Variants in MYH15 observed in about 807,000 individuals in gnomAD.
MYH15 encodes the protein myosin heavy chain 15, also known as myosin-15.
Under a neutral mutation model 240.5 loss-of-function variants are expected in MYH15, and 227 were observed. The ratio of observed to expected loss-of-function variants is 0.94; its 90% CI spans 0.85 to 1.05. The LOEUF (loss-of-function observed/expected upper bound fraction) is 1.05. Among genes scored for constraint, MYH15 ranks in the 50% least tolerant of loss-of-function variants. MYH15 has a pLI of 0.00. For synonymous variants in MYH15, 785 were observed against 796.7 expected, an observed-to-expected ratio of 0.99 and a Z score of 0.25; for missense variants, 2,217 against 2,247.5, an observed-to-expected ratio of 0.99 and a Z score of 0.27.
rs1471803476 is a variant in MYH15 at position 108,437,714 on chromosome 3, C to A, written c.3076-15G>T. 6.2e-7 allele frequency: 1 copy of A among 1,604,540 alleles called. No homozygotes were observed. Among genetic ancestry groups the A allele is most frequent in the Admixed American group, 1.7e-5 (1 of 57,508 alleles). ...GCACCCTCAAGCTGACAAAAGGAAA[C>A]ATTATTTAGCTAAATAAATAGGTAG... On this transcript the variant is annotated splice_polypyrimidine_tract_variant and intron_variant, in intron 24 of 40. Coordinates refer to ENST00000693548, the MANE Select transcript of MYH15 (RefSeq NM_014981.3).
chr3:108,530,055 G>T (rs1164903935), upstream of MYH15, among the ~76,000 whole-genome samples: 3 of 152,166 alleles, frequency 2.0e-5, no homozygotes, highest in Non-Finnish European at 2.9e-5. Context: ...TTTAGAAATA[G>T]TTTTTGTTCC....
chr3:108,447,580 GAAA>G (rs199837149), intron 21 of MYH15, among the ~76,000 whole-genome samples: 1 of 143,190 alleles, frequency 7.0e-6, no homozygotes, highest in Non-Finnish European at 1.5e-5. Context: ...AGTGCTAAAA[GAAA>G]AAAAAAAAAC....
At chr3:108,469,070 T>C (rs1706407954) in intron 14 of MYH15, among the ~76,000 whole-genome samples, 1 of 152,178 alleles carries the variant, frequency 6.6e-6, no homozygotes. Flanking sequence ...ATAAAATAAA[T>C]AAAATCAACG....
At chr3:108,407,495 A>G (rs1037685560) in intron 32 of MYH15, among the ~76,000 whole-genome samples, 1 of 152,124 alleles carries the variant, frequency 6.6e-6, no homozygotes, top group Admixed American at 6.5e-5. Flanking sequence ...CTTCCTTGTT[A>G]GTTTACCTTC....
intron 24 of MYH15, among the ~76,000 whole-genome samples, chr3:108,439,394 C>T (rs1165244445): frequency 1.3e-5 from 2 of 152,136 alleles, no homozygotes; most frequent in Non-Finnish European, 2.9e-5. Context: ...AAATAGAGTA[C>T]CAGCATATCT....
At chr3:108,393,729 G>C (rs1304643519) in intron 36 of MYH15, among the ~76,000 whole-genome samples, 1 of 152,222 alleles carries the variant, frequency 6.6e-6, no homozygotes, top group East Asian at 1.9e-4. Flanking sequence ...CTAGACACTA[G>C]ATGTATTGAT....
the MYH15 span, among the ~76,000 whole-genome samples, chr3:108,543,171 A>G: frequency 7.9e-5 from 12 of 152,224 alleles, no homozygotes; most frequent in South Asian, 2.1e-3. Context: ...GAGCCACCGC[A>G]CCAGGTCAAT....
chr3:108,456,883 CCTGG>C lies in MYH15; in HGVS notation c.2021-4_2021-1del. 6.3e-7 allele frequency: 1 copy of C among 1,589,220 alleles called. No individual in the cohort carries two copies. Among genetic ancestry groups the C allele is most frequent in the African/African-American group, 1.4e-5 (1 of 73,088 alleles). Reference sequence around the variant, plus strand: ...TAGAACCAAGTAAGGGTCCAGTATACCTGGAAAAAAAAAAGAGTCATGGTGGATC... The same window carrying C: ...TAGAACCAAGTAAGGGTCCAGTATACAAAAAAAAAAGAGTCATGGTGGATC... On this transcript the variant is annotated splice_acceptor_variant and splice_polypyrimidine_tract_variant and intron_variant, in intron 18 of 40. Coordinates refer to ENST00000693548, the MANE Select transcript of MYH15 (RefSeq NM_014981.3). LOFTEE classifies it high-confidence loss of function.
chr3:108,401,352 A>G (rs1183444505), intron 33 of MYH15, among the ~76,000 whole-genome samples: 1 of 148,002 alleles, frequency 6.8e-6, no homozygotes, highest in Non-Finnish European at 1.5e-5. Context: ...AGGAAAGCAC[A>G]GATGAGGATG....
intron 16 of MYH15, among the ~76,000 whole-genome samples, chr3:108,462,440 T>C (rs1020665800): frequency 6.6e-6 from 1 of 152,010 alleles, no homozygotes; most frequent in African/African-American, 2.4e-5. Context: ...AACTTCTCTA[T>C]ATTTGTTCCT....
At chr3:108,392,577 G>A (rs1193604544) in intron 36 of MYH15, among the ~76,000 whole-genome samples, 2 of 152,212 alleles carry the variant, frequency 1.3e-5, no homozygotes, top group Non-Finnish European at 2.9e-5. Context: ...CACAGCCCAA[G>A]CTTTTCTGTC....
At chr3:108,539,790 T>G in the MYH15 span, among the ~76,000 whole-genome samples, 1 of 152,074 alleles carries the variant, frequency 6.6e-6, no homozygotes, top group Non-Finnish European at 1.5e-5. Flanking sequence ...AGAAGAAATA[T>G]AGACAGTTTC....
At chr3:108,411,367 A>T (rs1370664830) in intron 30 of MYH15, among the ~76,000 whole-genome samples, 2 of 152,126 alleles carry the variant, frequency 1.3e-5, no homozygotes, top group Non-Finnish European at 2.9e-5. Flanking sequence ...GCTTCTAAAG[A>T]ACACTCTCTT....
At chr3:108,520,697 G>T (rs79691594) in intron 1 of MYH15, among the ~76,000 whole-genome samples, 1 of 152,108 alleles carries the variant, frequency 6.6e-6, no homozygotes, top group Non-Finnish European at 1.5e-5. Flanking sequence ...CAGCAACACC[G>T]TCTCTGGTGG....
the MYH15 span, among the ~76,000 whole-genome samples, chr3:108,542,043 T>G: frequency 6.6e-6 from 1 of 152,136 alleles, no homozygotes; most frequent in Non-Finnish European, 1.5e-5. Context: ...GAGAGAGGGA[T>G]GAAAGGGAAA....
chr3:108,500,292 A>G lies in MYH15; in HGVS notation c.340-18T>C. The G allele has an allele frequency of 6.3e-7, 1 of 1,591,558 alleles. No individual in the cohort carries two copies. The highest frequency in any genetic ancestry group is 8.5e-7 in the Non-Finnish European group (1 of 1,169,680). ...GAATATGTCTGAGGGAAAATCAGAAAAGATTTCAGAAACTAGATTAGAAAT... is the reference window on the plus strand; with the variant it reads ...GAATATGTCTGAGGGAAAATCAGAAGAGATTTCAGAAACTAGATTAGAAAT... On this transcript the variant is annotated intron_variant, in intron 3 of 40. Transcript: ENST00000693548.
At chr3:108,447,592 A>ATT (rs2107573365) in intron 21 of MYH15, among the ~76,000 whole-genome samples, 1 of 152,054 alleles carries the variant, frequency 6.6e-6, no homozygotes, top group South Asian at 2.1e-4. Flanking sequence ...AAAAAAAAAA[A>ATT]CTAAAAACCA....
chr3:108,463,242 A>G lies in MYH15; in HGVS notation c.1733T>C (p.Val578Ala), dbSNP rs773105172. ...CAGCCAACCACTGATATTATAAGGT[A>G]CCTTTGGAAAGGCATGCATTTCAGG... Reference protein sequence around the residue: ...HFELVHYAGVVPYNISGWLEK... With the variant: ...HFELVHYAGVAPYNISGWLEK... Residue 578 changes from valine (V) to alanine (A), a missense_variant and splice_region_variant, in exon 16 of 41, where the codon GTA becomes GCA. By Grantham distance (64) the Val-to-Ala change is moderately conservative (BLOSUM62 0). Transcript: ENST00000693548. 1.2e-6 allele frequency: 2 copies of G among 1,601,768 alleles called. No homozygotes were observed. Among genetic ancestry groups the G allele is most frequent in the Non-Finnish European group, 8.5e-7 (1 of 1,176,768 alleles).
intron 11 of MYH15, among the ~76,000 whole-genome samples, chr3:108,479,424 C>T (rs143033056): frequency 1.2e-3 from 179 of 152,248 alleles, no homozygotes; most frequent in African/African-American, 3.9e-3. Flanking sequence ...GGGGCTGGGC[C>T]GCTCTAGTTT....
Sources: allele counts gnomAD v4.1 joint callset (sites outside exome capture counted in the v4.1 genomes callset), GRCh38; gene constraint gnomAD v4.1.1; transcripts MANE v1.5; gene names NCBI Gene and HGNC (gene_info 2026-07-23, HGNC 2026-07-21).